The following RASAL2 variants were observed in gnomAD, a reference collection of about 807,000 sequenced individuals.
RASAL2 encodes the protein ras GTPase-activating protein nGAP.
A neutral mutation model predicts 128.9 loss-of-function variants in RASAL2; 58 were observed. That is an observed-to-expected ratio of 0.45 (90% CI 0.36 to 0.56). The LOEUF (loss-of-function observed/expected upper bound fraction) is 0.56, where lower values mean the gene tolerates loss of function less well. Among genes scored for constraint, RASAL2 ranks in the 20% least tolerant of loss-of-function variants. RASAL2 has a pLI of 0.00. For synonymous variants in RASAL2, 561 were observed against 580.8 expected, an observed-to-expected ratio of 0.97 and a Z score of 0.49; for missense variants, 1,360 against 1,601.6, an observed-to-expected ratio of 0.85 and a Z score of 2.57.
intron 5 of RASAL2, among the ~76,000 whole-genome samples, chr1:178,439,184 A>G (rs1049705287): frequency 6.6e-6 from 1 of 152,038 alleles, no homozygotes; most frequent in African/African-American, 2.4e-5. Context: ...AAATTATAGT[A>G]TATTTTTATG....
chr1:178,300,758 T>G (rs1301236617), intron 3 of RASAL2, among the ~76,000 whole-genome samples: 1 of 152,234 alleles, frequency 6.6e-6, no homozygotes, highest in Non-Finnish European at 1.5e-5. Flanking sequence ...TGTATTCTGT[T>G]AAATGTTTTC....
At chr1:178,323,091 C>A (rs1383247460) in intron 3 of RASAL2, among the ~76,000 whole-genome samples, 23 of 152,020 alleles carry the variant, frequency 1.5e-4, no homozygotes. Context: ...TTTCTTCATT[C>A]ACTAATCAGA....
At position 178,464,506 on chromosome 1, in the gene RASAL2, C is replaced by T. The variant is rs1647436389; in HGVS notation, c.3387+94C>T. ...TAAGAACATAAACTCATCCCACCCC[C>T]ATCTTCACCTCTACCCCTTATGTTA... On this transcript the variant is annotated intron_variant, in intron 15 of 17. Coordinates refer to ENST00000367649, the MANE Select transcript of RASAL2 (RefSeq NM_170692.4). The T allele has an allele frequency of 3.5e-6, 5 of 1,420,776 alleles. No homozygotes were observed. In the Middle Eastern group the frequency reaches 7.1e-4, roughly 202 times the overall value. The allele number at this position is 1,420,776 out of a possible 1,614,324, so 88.0% of individuals were successfully genotyped here. A position where few individuals can be genotyped will look rare whatever the true frequency, so the allele number is the denominator to read the frequency against.
rs888166991 is a variant in RASAL2 at position 178,396,683 on chromosome 1, T to C, written c.564+6477T>C. On this transcript the variant is annotated intron_variant, in intron 4 of 17. Coordinates refer to ENST00000367649, the MANE Select transcript of RASAL2 (RefSeq NM_170692.4). ...CCTTTAATTTCATAACCAATGCCAG[T>C]AGCATTCCACTGGATTTTTAAAATG... 2.0e-5 allele frequency among the ~76,000 whole-genome samples: 3 copies of C among 152,118 alleles called. 1 individual carries two copies. The highest frequency in any genetic ancestry group is 2.0e-4 in the Admixed American group (3 of 15,270).
intron 3 of RASAL2, among the ~76,000 whole-genome samples, chr1:178,389,873 A>G (rs1362920963): frequency 6.6e-6 from 1 of 152,254 alleles, no homozygotes; most frequent in Non-Finnish European, 1.5e-5. Context: ...ATGTGCACAG[A>G]TGAAAATATA....
chr1:178,117,601 G>C (rs572902883), intron 1 of RASAL2, among the ~76,000 whole-genome samples: 1 of 152,226 alleles, frequency 6.6e-6, no homozygotes, highest in African/African-American at 2.4e-5. Flanking sequence ...TCAGTCACAA[G>C]GGTGACTTAA....
At chr1:178,201,784 C>T (rs1022916915) in intron 1 of RASAL2, among the ~76,000 whole-genome samples, 6 of 152,168 alleles carry the variant, frequency 3.9e-5, no homozygotes, top group Non-Finnish European at 8.8e-5. Flanking sequence ...GGCATTCCTA[C>T]TTAATTTATA....
chr1:178,248,370 T>C (rs1390940449), intron 1 of RASAL2, among the ~76,000 whole-genome samples: 3 of 152,224 alleles, frequency 2.0e-5, no homozygotes, highest in Non-Finnish European at 2.9e-5. Flanking sequence ...AAGTCTGTTT[T>C]ATCAGGGACT....
chr1:178,183,544 C>T (rs1662187451), intron 1 of RASAL2, among the ~76,000 whole-genome samples: 1 of 152,184 alleles, frequency 6.6e-6, no homozygotes, highest in African/African-American at 2.4e-5. Flanking sequence ...ACCATCTCTC[C>T]AGTTTTGCCT....
chr1:178,347,201 T>C (rs1383412333), intron 3 of RASAL2, among the ~76,000 whole-genome samples: 1 of 152,204 alleles, frequency 6.6e-6, no homozygotes, highest in Non-Finnish European at 1.5e-5. Context: ...ACTATTGCCA[T>C]AAAGTGCTGT....
intron 1 of RASAL2, among the ~76,000 whole-genome samples, chr1:178,240,606 A>T (rs1402929248): frequency 6.6e-6 from 1 of 152,008 alleles, no homozygotes; most frequent in African/African-American, 2.4e-5. Context: ...AATAATGTAT[A>T]CATGTGTTGC....
At chr1:178,198,789 G>A (rs753579236) in intron 1 of RASAL2, among the ~76,000 whole-genome samples, 3 of 152,208 alleles carry the variant, frequency 2.0e-5, no homozygotes, top group Admixed American at 6.5e-5. Flanking sequence ...CCACTTGAGG[G>A]TGCAATCTGT....
At chr1:178,445,790 T>G in intron 9 of RASAL2, 128 bp downstream of exon 9, 1 of 965,216 alleles carries the variant, frequency 1.0e-6, no homozygotes, top group Non-Finnish European at 1.5e-6. Context: ...GTGTTAAGGT[T>G]TGAATCATGG....
intron 1 of RASAL2, among the ~76,000 whole-genome samples, chr1:178,232,733 ACTT>A (rs1412630815): frequency 6.6e-6 from 1 of 152,188 alleles, no homozygotes; most frequent in Non-Finnish European, 1.5e-5. Context: ...TTGAAATTAA[ACTT>A]CTGAAATGCA....
intron 3 of RASAL2, among the ~76,000 whole-genome samples, chr1:178,370,776 A>G (rs1344392669): frequency 2.0e-5 from 3 of 152,156 alleles, no homozygotes; most frequent in African/African-American, 7.2e-5. Context: ...TTAATATAAA[A>G]CAAGGTCCAT....
chr1:178,304,848 G>A (rs985988013), intron 3 of RASAL2, among the ~76,000 whole-genome samples: 1 of 152,130 alleles, frequency 6.6e-6, no homozygotes, highest in Non-Finnish European at 1.5e-5. Context: ...AATTAGAAAG[G>A]AAGAAGCCAA....
intron 1 of RASAL2, among the ~76,000 whole-genome samples, chr1:178,131,102 T>G (rs1473926862): frequency 6.6e-6 from 1 of 151,854 alleles, no homozygotes; most frequent in Non-Finnish European, 1.5e-5. Flanking sequence ...AAACATGTGT[T>G]ATTGTTAGGT....
chr1:178,269,682 TA>T (rs375226843), intron 1 of RASAL2, among the ~76,000 whole-genome samples: 2 of 152,208 alleles, frequency 1.3e-5, no homozygotes, highest in African/African-American at 4.8e-5. Context: ...CAACGTACCC[TA>T]TATGGTCCAC....
In RASAL2 at chr1:178,094,259, G is replaced by C; in HGVS notation, c.-234G>C. The C allele has an allele frequency of 5.6e-6, 3 of 531,350 alleles. No homozygotes were observed. In the South Asian group the frequency reaches 7.5e-5, roughly 13 times the overall value. 32.9% of individuals were successfully genotyped at this position (531,350 alleles called of 1,614,324 possible). On this transcript the variant is annotated 5_prime_UTR_variant, in exon 1 of 18. Transcript: ENST00000367649. ...CGGACCCACCCTTGGTCGGGGCCACGCTGGATCCTCCTCCCGGCCTGGGTC... is the reference window on the plus strand; with the variant it reads ...CGGACCCACCCTTGGTCGGGGCCACCCTGGATCCTCCTCCCGGCCTGGGTC...
Sources: gnomAD v4.1 joint callset for allele counts (sites outside exome capture counted in the v4.1 genomes callset) on GRCh38, gnomAD v4.1.1 for gene constraint, MANE v1.5 for transcripts, NCBI Gene and HGNC (gene_info 2026-07-23, HGNC 2026-07-21) for gene names.